Variants in ATP2B3 observed in about 807,000 individuals in gnomAD.
The protein encoded by ATP2B3 is plasma membrane calcium-transporting ATPase 3.
ATP2B3 carries 12 observed loss-of-function variants against 70.8 expected under a neutral mutation model. The ratio of observed to expected loss-of-function variants is 0.17; its 90% CI spans 0.11 to 0.27. The LOEUF is 0.27. Ranked by LOEUF, ATP2B3 falls within the 10% of genes least tolerant of loss-of-function variation. The pLI, the probability that ATP2B3 is intolerant of heterozygous loss-of-function variation, is 1.00. For missense variants in ATP2B3, 858 were observed against 1,118.5 expected (o/e 0.77, Z 3.32); for synonymous variants, 460 against 497.8 (o/e 0.92, Z 1.01).
chrX:153,524,238 CTG>C (rs10701340), intron 2 of ATP2B3, among the ~76,000 whole-genome samples: 3,354 of 105,643 alleles, frequency 0.032, 140 homozygotes, highest in African/African-American at 0.11. Context: ...GTGTGTGTGT[CTG>C]TGTGTGTGTG....
chrX:153,555,341 G>C (rs1243154854), intron 13 of ATP2B3, among the ~76,000 whole-genome samples: 1 of 110,976 alleles, frequency 9.0e-6, no homozygotes, highest in South Asian at 3.9e-4. Flanking sequence ...ACCGCCGCAG[G>C]CTCCCCAGGC....
chrX:153,532,687 A>G (rs1181326505), intron 2 of ATP2B3, among the ~76,000 whole-genome samples: 2 of 112,019 alleles, frequency 1.8e-5, no homozygotes, highest in East Asian at 2.8e-4. Context: ...AATGAAGCCA[A>G]TTAAGGTCAG....
intron 21 of ATP2B3, among the ~76,000 whole-genome samples, chrX:153,576,207 C>T (rs947104709): frequency 9.0e-6 from 1 of 110,844 alleles, no homozygotes; most frequent in Non-Finnish European, 1.9e-5. Flanking sequence ...AGAGAGAGCT[C>T]GGAAACTCCA....
intron 2 of ATP2B3, among the ~76,000 whole-genome samples, chrX:153,535,132 G>A (rs1003912265): frequency 8.0e-5 from 9 of 112,957 alleles, no homozygotes; most frequent in Non-Finnish European, 1.5e-4. Context: ...AGTGGGCCCC[G>A]CCAAACACTG....
At chrX:153,538,138 G>A (rs782731697) in intron 3 of ATP2B3, among the ~76,000 whole-genome samples, 4 of 112,932 alleles carry the variant, frequency 3.5e-5, no homozygotes, top group African/African-American at 9.6e-5. Context: ...TGCCAGGAGC[G>A]GGTGACTCGC....
intron 21 of ATP2B3, chrX:153,574,846 A>G (rs1404334192): frequency 3.0e-6 from 1 of 328,902 alleles, no homozygotes; most frequent in Non-Finnish European, 5.9e-6. Flanking sequence ...ATGGCACTCC[A>G]CACCTGCACC....
intron 2 of ATP2B3, among the ~76,000 whole-genome samples, chrX:153,521,334 C>T (rs1344336353): frequency 8.9e-6 from 1 of 112,901 alleles, no homozygotes; most frequent in Non-Finnish European, 1.9e-5. Flanking sequence ...ATCAGAGCCA[C>T]GCGTCACTGG....
At chrX:153,554,667 G>A (rs1051554876) in intron 13 of ATP2B3, among the ~76,000 whole-genome samples, 4 of 112,967 alleles carry the variant, frequency 3.5e-5, no homozygotes, top group Admixed American at 1.9e-4. Context: ...GATGCGGCAC[G>A]GCTGCAGCCA....
intron 17 of ATP2B3, chrX:153,559,445 C>T: frequency 2.8e-6 from 1 of 352,259 alleles, no homozygotes; most frequent in Non-Finnish European, 5.0e-6. Flanking sequence ...CCCCAAATGG[C>T]AGACCCCATC....
intron 20 of ATP2B3, among the ~76,000 whole-genome samples, chrX:153,563,331 G>C (rs1253384176): frequency 9.1e-6 from 1 of 109,644 alleles, no homozygotes; most frequent in Non-Finnish European, 1.9e-5. Context: ...TTGTAGAGAT[G>C]TGTTGTGCCA....
At position 153,558,109 on chromosome X, in the gene ATP2B3, C is replaced by T. The variant is rs371525355; in HGVS notation, c.2434-3C>T. ...TGTGTGAGTGTGTGTGTCACCCCCC[C>T]AGGGCATCGCAGGGACCGACGTGGC... On this transcript the variant is annotated splice_region_variant and splice_polypyrimidine_tract_variant and intron_variant, in intron 16 of 21. Coordinates refer to ENST00000263519, the MANE Select transcript of ATP2B3 (RefSeq NM_001001344.3). 2.5e-6 allele frequency: 3 copies of T among 1,203,095 alleles called. No individual in the cohort carries two copies. In the African/African-American group the frequency reaches 5.3e-5, roughly 21 times the overall value.
intron 21 of ATP2B3, among the ~76,000 whole-genome samples, chrX:153,576,034 C>A (rs58551593): frequency 8.9e-6 from 1 of 111,878 alleles, no homozygotes; most frequent in African/African-American, 3.3e-5. Context: ...GCATCTCTCC[C>A]GGAAGAGTGC....
At position 153,545,953 on chromosome X, in the gene ATP2B3, C is replaced by CG. The variant is rs2090358598; in HGVS notation, c.917-131dup. Reference sequence around the variant, plus strand: ...GTGACCGTGTGCTGGGAGGTGGTGACGGGGTGAGCCTGGAGAGGACGGGGC... The same window carrying CG: ...GTGACCGTGTGCTGGGAGGTGGTGACGGGGGTGAGCCTGGAGAGGACGGGGC... On this transcript the variant is annotated intron_variant, in intron 7 of 21. Coordinates refer to ENST00000263519, the MANE Select transcript of ATP2B3 (RefSeq NM_001001344.3). 1.9e-5 allele frequency: 12 copies of CG among 621,262 alleles called. 1 individual carries two copies. The South Asian group carries it at 3.1e-4, about 16-fold the overall frequency. 51.2% of individuals were successfully genotyped at this position (621,262 alleles called of 1,213,427 possible).
intron 15 of ATP2B3, 126 bp downstream of exon 15, chrX:153,556,544 A>T (rs782721614): frequency 1.4e-6 from 1 of 732,272 alleles, no homozygotes; most frequent in East Asian, 3.5e-5. Flanking sequence ...CATTTGTCCC[A>T]TTAGCCCAGA....
chrX:153,546,029 C>T lies in ATP2B3; in HGVS notation c.917-59C>T, dbSNP rs374338718. The T allele has an allele frequency of 2.5e-4, 295 of 1,181,623 alleles. No individual in the cohort carries two copies. The African/African-American group carries it at 4.2e-3, about 17-fold the overall frequency. Reference sequence around the variant, plus strand: ...CCCCTCCTCCCCACCCCCTCTGCCACGCGGCCCCCAGGCTGGTGTCCTCAA... The same window carrying T: ...CCCCTCCTCCCCACCCCCTCTGCCATGCGGCCCCCAGGCTGGTGTCCTCAA... On this transcript the variant is annotated intron_variant, in intron 7 of 21. Coordinates refer to ENST00000263519, the MANE Select transcript of ATP2B3 (RefSeq NM_001001344.3).
chrX:153,537,422 A>G (rs1036339740), intron 3 of ATP2B3, among the ~76,000 whole-genome samples: 2 of 112,933 alleles, frequency 1.8e-5, no homozygotes, highest in Non-Finnish European at 3.8e-5. Context: ...GCTCCTTGGC[A>G]CCTCCAGCCT....
chrX:153,571,027 C>CACACACACAG (rs2090780499), intron 21 of ATP2B3, among the ~76,000 whole-genome samples: 1 of 109,243 alleles, frequency 9.2e-6, no homozygotes, highest in Non-Finnish European at 1.9e-5. Flanking sequence ...CACACACACA[C>CACACACACAG]ACACACACAC....
intron 1 of ATP2B3, among the ~76,000 whole-genome samples, 104 bp from the exon 2 acceptor site, chrX:153,518,328 C>T (rs1216365102): frequency 6.2e-5 from 7 of 112,544 alleles, no homozygotes; most frequent in African/African-American, 2.3e-4. Flanking sequence ...CGCACCGTTC[C>T]CCGCACGCCC....
intron 16 of ATP2B3, among the ~76,000 whole-genome samples, chrX:153,557,882 G>GCC (rs368811197): frequency 2.3e-4 from 20 of 87,503 alleles, no homozygotes; most frequent in Non-Finnish European, 4.2e-4. Flanking sequence ...TATGAGCAAA[G>GCC]CCCCCCCCCC....
Sources: allele counts gnomAD v4.1 joint callset (sites outside exome capture counted in the v4.1 genomes callset), GRCh38; gene constraint gnomAD v4.1.1; transcripts MANE v1.5; gene names NCBI Gene and HGNC (gene_info 2026-07-23, HGNC 2026-07-21).